Variants in CDC5L observed in about 807,000 individuals in gnomAD.
The protein encoded by CDC5L is cell division cycle 5-like protein.
Under a neutral mutation model 104.1 loss-of-function variants are expected in CDC5L, and 18 were observed. The ratio of observed to expected loss-of-function variants is 0.17; its 90% confidence interval spans 0.12 to 0.26. The LOEUF is 0.26. Among genes scored for constraint, CDC5L ranks in the 10% least tolerant of loss-of-function variants. CDC5L has a pLI of 1.00. For synonymous variants in CDC5L, 331 were observed against 322.7 expected (o/e 1.03, Z -0.28); for missense variants, 673 against 956.9 (o/e 0.70, Z 3.91).
intron 14 of CDC5L, among the ~76,000 whole-genome samples, chr6:44,441,141 A>G (rs961459856): frequency 1.3e-5 from 2 of 152,092 alleles, no homozygotes; most frequent in East Asian, 1.9e-4. Flanking sequence ...CCCTTTCCCT[A>G]TCTACCCTTT....
At chr6:44,443,705 G>C (rs886589234) in intron 14 of CDC5L, among the ~76,000 whole-genome samples, 1 of 151,286 alleles carries the variant, frequency 6.6e-6, no homozygotes, top group East Asian at 1.9e-4. Flanking sequence ...AATATTTTCT[G>C]TCTCTTTGTG....
chr6:44,390,357 G>T lies in CDC5L; in HGVS notation c.135G>T (p.Gln45His). Residue 45 changes from glutamine to histidine, a missense_variant, in exon 2 of 16, where the codon CAG (glutamine) becomes CAT (histidine). Around this residue, in one of 4 missense-constraint regions of CDC5L, gnomAD observed 13 missense variants for 56.0 expected, o/e 0.23. Transcript: ENST00000371477. Reference sequence around the variant, plus strand: ...TGCTGCATAGAAAATCAGCAAAGCAGTGCAAAGCCAGATGGTATGTATCAG... The same window carrying T: ...TGCTGCATAGAAAATCAGCAAAGCATTGCAAAGCCAGATGGTATGTATCAG... ...ASLLHRKSAK[Q>H]CKARWYEWLD... is the part of the protein sequence containing the mutation. 1 of 1,608,098 alleles carries T rather than the reference G, an allele frequency of 6.2e-7. No homozygotes were observed. The highest frequency in any genetic ancestry group is 8.5e-7 in the Non-Finnish European group (1 of 1,174,998).
In CDC5L at chr6:44,414,429, TGTA is replaced by T. The variant is rs1254874747; in HGVS notation, c.1093-5019_1093-5017del. 1.0e-3 allele frequency among the ~76,000 whole-genome samples: 151 copies of T among 145,980 alleles called. 1 individual carries two copies. The highest frequency in any genetic ancestry group is 3.6e-3 in the African/African-American group (136 of 37,768). On this transcript the variant is annotated intron_variant, in intron 8 of 15. Transcript: ENST00000371477. ...GTGTGTGTGTGTGTGTGTGTGTGTG[TGTA>T]TTTTTTTTTAGAAATAGCTATTCAT...
chr6:44,392,309 T>C (rs1435716451), intron 2 of CDC5L, among the ~76,000 whole-genome samples: 6 of 152,192 alleles, frequency 3.9e-5, no homozygotes, highest in Non-Finnish European at 8.8e-5. Flanking sequence ...GAAAATAGTA[T>C]GAAAACTGGA....
At chr6:44,390,046 G>GT (rs964109145) in intron 1 of CDC5L, among the ~76,000 whole-genome samples, 53 of 152,290 alleles carry the variant, frequency 3.5e-4, no homozygotes, top group Non-Finnish European at 4.7e-4. Flanking sequence ...TGGTGTAAGG[G>GT]TGGGTAGCTG....
Position 44,390,384 on chromosome 6 carries a change from T to G in CDC5L, c.149+13T>G. 1 of 1,514,790 alleles carries G rather than the reference T, an allele frequency of 6.6e-7. No individual in the cohort carries two copies. Among genetic ancestry groups the G allele is most frequent in the Non-Finnish European group, 9.1e-7 (1 of 1,095,634 alleles). 93.8% of individuals were successfully genotyped at this position (1,514,790 alleles called of 1,614,324 possible). ...GCAAAGCCAGATGGTATGTATCAGT[T>G]TAATAAGTGGAAAACAGAAAAGGAG... On this transcript the variant is annotated intron_variant, in intron 2 of 15. Transcript: ENST00000371477.
At chr6:44,393,672 C>CT (rs566271026) in intron 4 of CDC5L, 99 bp downstream of exon 4, 8,768 of 1,073,144 alleles carry the variant, frequency 8.2e-3, no homozygotes, top group South Asian at 9.1e-3. Context: ...TTTAGAATCC[C>CT]TTTTTTTTTT....
At chr6:44,434,790 A>C (rs1402975124) in intron 14 of CDC5L, among the ~76,000 whole-genome samples, 1 of 152,146 alleles carries the variant, frequency 6.6e-6, no homozygotes, top group East Asian at 1.9e-4. Context: ...CTTGAAAGTA[A>C]CAGTTACACT....
intron 9 of CDC5L, among the ~76,000 whole-genome samples, 196 bp from the exon 10 acceptor site, chr6:44,422,451 A>G (rs1225617138): frequency 2.0e-5 from 3 of 152,248 alleles, no homozygotes; most frequent in African/African-American, 4.8e-5. Flanking sequence ...AGTCAGTAAA[A>G]TAAAAATACC....
intron 3 of CDC5L, 63 bp from the exon 4 acceptor site, chr6:44,393,383 A>G: frequency 6.8e-7 from 1 of 1,467,830 alleles, no homozygotes; most frequent in Non-Finnish European, 9.2e-7. Flanking sequence ...GAACTTGGAA[A>G]TCTGGTAATT....
rs1327919006 is a variant in CDC5L, at chr6:44,449,164, T to C, written c.*2453T>C. On this transcript the variant is annotated 3_prime_UTR_variant, in exon 16 of 16. Transcript: ENST00000371477. ...ACTTTGTTTTCAAAATTTGAAGTAATTCACATACTTATAGCCTAAAAAAAT... is the reference window on the plus strand; with the variant it reads ...ACTTTGTTTTCAAAATTTGAAGTAACTCACATACTTATAGCCTAAAAAAAT... 1 of 149,712 alleles carries C rather than the reference T, an allele frequency of 6.7e-6. No individual in the cohort carries two copies. The highest frequency in any genetic ancestry group is 2.4e-5 in the African/African-American group (1 of 40,972). The allele number at this position is 149,712 out of a possible 1,614,324, so 9.3% of individuals were successfully genotyped here. A position where few individuals can be genotyped will look rare whatever the true frequency, so the allele number is the denominator to read the frequency against.
chr6:44,397,231 G>A (rs1029635153), intron 5 of CDC5L, among the ~76,000 whole-genome samples: 2 of 152,192 alleles, frequency 1.3e-5, no homozygotes, highest in Non-Finnish European at 2.9e-5. Context: ...ACTTGGAAGA[G>A]TCCCAGGATT....
At chr6:44,388,149 G>GC (rs1410904915) in intron 1 of CDC5L, among the ~76,000 whole-genome samples, 9 of 31,100 alleles carry the variant, frequency 2.9e-4, no homozygotes, top group South Asian at 2.7e-3. Context: ...CTCCCACCCC[G>GC]CCCCCCCGCC....
intron 14 of CDC5L, among the ~76,000 whole-genome samples, chr6:44,443,247 A>AT (rs1015364761): frequency 6.6e-6 from 1 of 150,866 alleles, no homozygotes; most frequent in African/African-American, 2.4e-5. Flanking sequence ...AGGTTCCTTT[A>AT]TACATGGTGA....
intron 2 of CDC5L, among the ~76,000 whole-genome samples, chr6:44,391,987 A>G (rs530859999): frequency 1.1e-4 from 13 of 113,598 alleles, no homozygotes; most frequent in Non-Finnish European, 2.6e-4. Flanking sequence ...GGCTTTTTGA[A>G]TGTAGAAATT....
At chr6:44,421,483 C>T (rs1483965796) in intron 9 of CDC5L, among the ~76,000 whole-genome samples, 1 of 152,182 alleles carries the variant, frequency 6.6e-6, no homozygotes, top group East Asian at 1.9e-4. Flanking sequence ...CATATCATGA[C>T]AGCAGAACCA....
chr6:44,414,009 T>C (rs1791785348), intron 8 of CDC5L, among the ~76,000 whole-genome samples: 1 of 152,238 alleles, frequency 6.6e-6, no homozygotes, highest in South Asian at 2.1e-4. Flanking sequence ...TGAAGTGATA[T>C]CTTGTGTTTT....
intron 14 of CDC5L, among the ~76,000 whole-genome samples, chr6:44,444,250 C>G (rs929516384): frequency 6.6e-5 from 10 of 152,218 alleles, no homozygotes; most frequent in South Asian, 2.1e-4. Context: ...TGTGGCTGCA[C>G]TCTACGATCC....
intron 14 of CDC5L, among the ~76,000 whole-genome samples, chr6:44,431,252 A>G (rs942577451): frequency 1.3e-5 from 2 of 152,172 alleles, no homozygotes; most frequent in Non-Finnish European, 2.9e-5. Context: ...AGTAATTCTC[A>G]TCTTGGGTAA....
Sources: allele counts gnomAD v4.1 joint callset (sites outside exome capture counted in the v4.1 genomes callset), GRCh38; gene constraint gnomAD v4.1.1; regional missense constraint gnomAD v4.1.1; transcripts MANE v1.5; gene names NCBI Gene and HGNC (gene_info 2026-07-23, HGNC 2026-07-21).